Variants in SSBP3 observed in about 807,000 individuals in gnomAD.
SSBP3 encodes the protein single-stranded DNA-binding protein 3.
In SSBP3, 5 loss-of-function variants were observed where a neutral mutation model predicts 69.6. That is an observed-to-expected ratio of 0.07 (90% CI 0.04 to 0.15). The LOEUF (loss-of-function observed/expected upper bound fraction) is 0.15. Among genes scored for constraint, SSBP3 ranks in the 10% least tolerant of loss-of-function variants. The pLI is 1.00. For missense variants in SSBP3, 312 were observed against 534.0 expected, an observed-to-expected ratio of 0.58 and a Z score of 4.10; for synonymous variants, 196 against 193.4, an observed-to-expected ratio of 1.01 and a Z score of -0.11.
intron 4 of SSBP3, among the ~76,000 whole-genome samples, chr1:54,378,992 A>T (rs1647409491): frequency 6.6e-6 from 1 of 152,046 alleles, no homozygotes; most frequent in Admixed American, 6.6e-5. Flanking sequence ...CAGACACAAG[A>T]CGCTGGCTCT....
intron 3 of SSBP3, among the ~76,000 whole-genome samples, chr1:54,403,926 C>T (rs1649492146): frequency 6.6e-6 from 1 of 150,650 alleles, no homozygotes; most frequent in Admixed American, 6.7e-5. Context: ...GTTAGAGAGT[C>T]ACAGAGAGTG....
At chr1:54,380,214 T>C (rs1569995767) in intron 4 of SSBP3, among the ~76,000 whole-genome samples, 1 of 152,176 alleles carries the variant, frequency 6.6e-6, no homozygotes, top group East Asian at 1.9e-4. Flanking sequence ...CGGACGCCAC[T>C]GTTCCAGGGG....
chr1:54,373,216 T>C (rs1647163907), intron 4 of SSBP3, among the ~76,000 whole-genome samples: 1 of 152,148 alleles, frequency 6.6e-6, no homozygotes, highest in Non-Finnish European at 1.5e-5. Flanking sequence ...GCAACAGTCT[T>C]GGGAGCAAGG....
chr1:54,307,163 C>T (rs1329674902), intron 4 of SSBP3, among the ~76,000 whole-genome samples: 1 of 152,154 alleles, frequency 6.6e-6, no homozygotes, highest in Non-Finnish European at 1.5e-5. Context: ...GAGCCCAGGG[C>T]CCAGGGCCTC....
intron 3 of SSBP3, among the ~76,000 whole-genome samples, chr1:54,403,431 G>C (rs1649447387): frequency 6.6e-6 from 1 of 152,022 alleles, no homozygotes; most frequent in Non-Finnish European, 1.5e-5. Context: ...GATCCAAGCC[G>C]ATCAGAGCCG....
intron 4 of SSBP3, among the ~76,000 whole-genome samples, chr1:54,308,141 C>G (rs1343267696): frequency 6.6e-6 from 1 of 152,146 alleles, no homozygotes; most frequent in Non-Finnish European, 1.5e-5. Context: ...AACCCCTTAC[C>G]AGAGATGCTC....
At position 54,228,125 on chromosome 1, in the gene SSBP3, A is replaced by G. The variant is rs1644317993; in HGVS notation, c.1137+130T>C. ...CACACTTCTGCTAAAAAAATAACTG[A>G]GGTGGAAAAACCATAACACGGCCAC... On this transcript the variant is annotated intron_variant, in intron 17 of 17. Coordinates refer to ENST00000610401, the Ensembl canonical transcript of SSBP3. 6 of 856,610 alleles carry G rather than the reference A, an allele frequency of 7.0e-6. No individual in the cohort carries two copies. The South Asian group carries it at 8.6e-5, about 12-fold the overall frequency. 53.1% of individuals were successfully genotyped at this position (856,610 alleles called of 1,614,324 possible).
intron 5 of SSBP3, among the ~76,000 whole-genome samples, chr1:54,261,309 C>T (rs144931177): frequency 1.3e-5 from 2 of 152,354 alleles, no homozygotes; most frequent in African/African-American, 2.4e-5. Context: ...AAAGTGCTCT[C>T]GTCTTCCTTC....
intron 13 of SSBP3, among the ~76,000 whole-genome samples, chr1:54,240,142 C>T (rs1438796765): frequency 6.8e-6 from 1 of 147,336 alleles, no homozygotes; most frequent in African/African-American, 2.5e-5. Context: ...CACGTATGTG[C>T]ACGCATGCCC....
chr1:54,364,800 A>C (rs985961855), intron 4 of SSBP3, among the ~76,000 whole-genome samples: 3 of 152,172 alleles, frequency 2.0e-5, no homozygotes, highest in East Asian at 1.9e-4. Context: ...AATGATGGTG[A>C]ACTTGGCAGT....
intron 4 of SSBP3, 75 bp from the exon 5 acceptor site, chr1:54,281,602 G>A: frequency 5.1e-6 from 7 of 1,359,630 alleles, no homozygotes; most frequent in South Asian, 3.7e-5. Context: ...CCCTGGACTT[G>A]GCTCTCCCTG....
chr1:54,267,421 A>G (rs1355143683), intron 5 of SSBP3, among the ~76,000 whole-genome samples: 3 of 152,202 alleles, frequency 2.0e-5, no homozygotes, highest in Non-Finnish European at 2.9e-5. Context: ...TTCCCTAAAG[A>G]GCTCCAGACT....
At chr1:54,366,727 A>C (rs1269995128) in intron 4 of SSBP3, among the ~76,000 whole-genome samples, 1 of 152,212 alleles carries the variant, frequency 6.6e-6, no homozygotes, top group Non-Finnish European at 1.5e-5. Flanking sequence ...AGAAGTACTT[A>C]GGTATTACTT....
intron 4 of SSBP3, among the ~76,000 whole-genome samples, chr1:54,382,449 A>G (rs1021783177): frequency 6.6e-6 from 1 of 152,166 alleles, no homozygotes; most frequent in Non-Finnish European, 1.5e-5. Flanking sequence ...AGGGCAAAAG[A>G]TTTGCTGGTG....
In SSBP3 at chr1:54,341,917, C is replaced by T. The variant is rs78538680; in HGVS notation, c.276+59944G>A. Among the ~76,000 whole-genome samples, 839 of 152,306 alleles carry T rather than the reference C, an allele frequency of 5.5e-3. 11 individuals carry two copies. Among genetic ancestry groups the T allele is most frequent in the African/African-American group, 0.019 (800 of 41,582 alleles). ...GAACAGCATGTGCAAAGGCCAGTACCTGGCACTTCTGAGAAACCAAAAGAA... is the reference window on the plus strand; with the variant it reads ...GAACAGCATGTGCAAAGGCCAGTACTTGGCACTTCTGAGAAACCAAAAGAA... On this transcript the variant is annotated intron_variant, in intron 4 of 17. Coordinates refer to ENST00000610401, the Ensembl canonical transcript of SSBP3.
intron 4 of SSBP3, among the ~76,000 whole-genome samples, chr1:54,364,572 C>A (rs562417377): frequency 6.6e-6 from 1 of 152,180 alleles, no homozygotes; most frequent in African/African-American, 2.4e-5. Flanking sequence ...TCAAGTCCCA[C>A]AAATAAACAT....
At chr1:54,238,423 AAGGGAAGGAACTAG>A in intron 14 of SSBP3, 2 of 424,552 alleles carry the variant, frequency 4.7e-6, no homozygotes, top group African/African-American at 2.1e-5. Flanking sequence ...ATGGAGGAGG[AAGGGAAGGAACTAG>A]AATGGAAGGG....
At chr1:54,252,051 C>A (rs924567357) in intron 7 of SSBP3, among the ~76,000 whole-genome samples, 191 bp from the exon 8 acceptor site, 9 of 152,172 alleles carry the variant, frequency 5.9e-5, no homozygotes, top group African/African-American at 2.2e-4. Context: ...GTGGTGTTAG[C>A]TATAACTGTG....
chr1:54,340,305 AG>A (rs1339284236), intron 4 of SSBP3, among the ~76,000 whole-genome samples: 11 of 152,236 alleles, frequency 7.2e-5, no homozygotes, highest in Non-Finnish European at 1.5e-4. Context: ...TTGCAAAGGG[AG>A]TCGGTATCCC....
Sources: allele counts gnomAD v4.1 joint callset (sites outside exome capture counted in the v4.1 genomes callset), GRCh38; gene constraint gnomAD v4.1.1; transcripts MANE v1.5; gene names NCBI Gene and HGNC (gene_info 2026-07-23, HGNC 2026-07-21).